The following PRKCQ variants were observed in gnomAD, a reference collection of about 807,000 sequenced individuals.
PRKCQ encodes protein kinase C theta, also known as protein kinase C theta type.
A neutral mutation model predicts 91.2 loss-of-function variants in PRKCQ; 41 were observed. The observed-to-expected ratio is 0.45, with a 90% CI of 0.35 to 0.58. The LOEUF (loss-of-function observed/expected upper bound fraction) is 0.58. Among genes scored for constraint, PRKCQ ranks in the 20% least tolerant of loss-of-function variants. The pLI is 0.00. For missense variants in PRKCQ, 673 were observed against 896.5 expected (o/e 0.75, Z 3.18); for synonymous variants, 307 against 316.9 (o/e 0.97, Z 0.33).
chr10:6,556,300 C>T (rs1840411774), intron 1 of PRKCQ, among the ~76,000 whole-genome samples: 1 of 151,912 alleles, frequency 6.6e-6, no homozygotes, highest in East Asian at 1.9e-4. Context: ...GGTGCAGTGG[C>T]ATACGCTTGT....
At chr10:6,449,509 G>A (rs1263765747) in intron 15 of PRKCQ, among the ~76,000 whole-genome samples, 1 of 152,118 alleles carries the variant, frequency 6.6e-6, no homozygotes, top group East Asian at 1.9e-4. Context: ...AAAACACTCT[G>A]CAGGATATTA....
rs1309287123 is a variant in PRKCQ, at chr10:6,447,265, G to A, written c.1648-5184C>T. Among the ~76,000 whole-genome samples, 4 of 151,978 alleles carry A rather than the reference G, an allele frequency of 2.6e-5. No individual in the cohort carries two copies. In the East Asian group the frequency reaches 7.7e-4, roughly 29 times the overall value. Reference sequence around the variant, plus strand: ...CTACTAAAAATACATAAATTAGCCGGGCATGGTGGCACGCGCCTGTAGTCC... The same window carrying A: ...CTACTAAAAATACATAAATTAGCCGAGCATGGTGGCACGCGCCTGTAGTCC... On this transcript the variant is annotated intron_variant, in intron 15 of 17. Transcript: ENST00000263125.
the PRKCQ span, among the ~76,000 whole-genome samples, chr10:6,406,065 A>G: frequency 6.6e-6 from 1 of 152,180 alleles, no homozygotes; most frequent in African/African-American, 2.4e-5. Flanking sequence ...AACACTTTTC[A>G]TATTTTACCA....
Position 6,434,915 on chromosome 10 carries a change from G to GT in PRKCQ, c.1837-3978dup, listed in dbSNP as rs1195650273. ...ATGGATAAATGAGGAAGTAAAGAGT[G>GT]TTTTTTTTCTTTTTTTTGAGATGGA... On this transcript the variant is annotated intron_variant, in intron 16 of 17. Coordinates refer to ENST00000263125, the MANE Select transcript of PRKCQ (RefSeq NM_006257.5). Among the ~76,000 whole-genome samples the GT allele has an allele frequency of 5.3e-5, 8 of 151,988 alleles. No individual in the cohort carries two copies. The East Asian group carries it at 5.8e-4, about 11-fold the overall frequency.
intron 9 of PRKCQ, 135 bp downstream of exon 9, chr10:6,485,900 G>T: frequency 1.5e-6 from 1 of 683,664 alleles, no homozygotes; most frequent in Non-Finnish European, 2.5e-6. Context: ...GGATATGAAA[G>T]CCAAGGGCAA....
chr10:6,537,528 G>A (rs780280081), intron 1 of PRKCQ, among the ~76,000 whole-genome samples: 3 of 152,182 alleles, frequency 2.0e-5, no homozygotes, highest in East Asian at 3.8e-4. Flanking sequence ...ACATTGCACT[G>A]CCCAGAACCT....
intron 1 of PRKCQ, among the ~76,000 whole-genome samples, chr10:6,569,346 G>A (rs1840948821): frequency 6.6e-6 from 1 of 151,810 alleles, no homozygotes; most frequent in Non-Finnish European, 1.5e-5. Context: ...GTAGCTCAGA[G>A]ATTGAGCAGA....
At position 6,430,800 on chromosome 10, in the gene PRKCQ, G is replaced by A. The variant is rs555906834; in HGVS notation, c.1965+10C>T. On this transcript the variant is annotated intron_variant, in intron 17 of 17. Transcript: ENST00000263125. This position sits in a 1 kb window ranked among gnomAD's most constrained non-coding sequence, Gnocchi z 4.7. ...GGCTGACACCAAGCGGCCCATGAGCGAGTCCTTACCACTTTCGGCCGGAAC... is the reference window on the plus strand; with the variant it reads ...GGCTGACACCAAGCGGCCCATGAGCAAGTCCTTACCACTTTCGGCCGGAAC... 14 of 1,613,208 alleles carry A rather than the reference G, an allele frequency of 8.7e-6. No homozygotes were observed. Among genetic ancestry groups the A allele is most frequent in the Middle Eastern group, 1.6e-4 (1 of 6,062 alleles).
intron 13 of PRKCQ, among the ~76,000 whole-genome samples, chr10:6,463,243 A>G (rs535333578): frequency 2.0e-5 from 3 of 152,302 alleles, no homozygotes; most frequent in South Asian, 4.1e-4. Flanking sequence ...GTTAAAGGAA[A>G]TGAGTTTACC....
chr10:6,500,266 G>GAAATA (rs1380239632), intron 4 of PRKCQ, among the ~76,000 whole-genome samples: 2 of 151,786 alleles, frequency 1.3e-5, no homozygotes, highest in African/African-American at 2.4e-5. Flanking sequence ...TGGTCCAGAT[G>GAAATA]AAATAAAATA....
chr10:6,442,124 C>T, intron 15 of PRKCQ, 43 bp from the exon 16 acceptor site: 1 of 1,577,740 alleles, frequency 6.3e-7, no homozygotes, highest in South Asian at 1.1e-5. Context: ...AGGAATGAGG[C>T]TGAGGAGTGA....
chr10:6,525,969 A>G (rs953406896), intron 1 of PRKCQ, among the ~76,000 whole-genome samples: 1 of 152,186 alleles, frequency 6.6e-6, no homozygotes, highest in African/African-American at 2.4e-5. Context: ...ATCACCCACA[A>G]TCTGCTGGTA....
intron 1 of PRKCQ, among the ~76,000 whole-genome samples, chr10:6,570,074 A>AG (rs1840982166): frequency 6.6e-6 from 1 of 152,034 alleles, no homozygotes; most frequent in African/African-American, 2.4e-5. Context: ...AAACATGGGC[A>AG]GGGGGGTCAT....
downstream of PRKCQ, among the ~76,000 whole-genome samples, chr10:6,425,873 C>T (rs1833107375): frequency 6.6e-6 from 1 of 152,074 alleles, no homozygotes; most frequent in African/African-American, 2.4e-5. Context: ...ATAAAAGTTG[C>T]GTTGGTTCCT....
chr10:6,435,154 C>G (rs1157911305), intron 16 of PRKCQ, among the ~76,000 whole-genome samples: 4 of 152,146 alleles, frequency 2.6e-5, no homozygotes, highest in Non-Finnish European at 5.9e-5. Context: ...CAGCAGTGTC[C>G]CCACTGGAAT....
intron 10 of PRKCQ, among the ~76,000 whole-genome samples, 157 bp downstream of exon 10, chr10:6,484,993 TTA>T (rs1234825286): frequency 6.6e-6 from 1 of 152,160 alleles, no homozygotes; most frequent in Non-Finnish European, 1.5e-5. Flanking sequence ...GTAAAAGGTT[TTA>T]GTTTCTTTTC....
At chr10:6,543,275 G>A (rs934520645) in intron 1 of PRKCQ, among the ~76,000 whole-genome samples, 3 of 152,216 alleles carry the variant, frequency 2.0e-5, no homozygotes, top group East Asian at 1.9e-4. Context: ...GGTGGAGTTC[G>A]CGGAGCTGAA....
chr10:6,453,441 G>C (rs964516895), intron 15 of PRKCQ, among the ~76,000 whole-genome samples: 1 of 152,178 alleles, frequency 6.6e-6, no homozygotes, highest in Admixed American at 6.5e-5. Flanking sequence ...AGAGGATGTG[G>C]AGAAATAGGA....
chr10:6,478,962 G>A lies in PRKCQ; in HGVS notation c.1353+30C>T. The A allele has an allele frequency of 2.5e-6, 4 of 1,611,686 alleles. No individual in the cohort carries two copies. In the East Asian group the frequency reaches 8.9e-5, roughly 36 times the overall value. On this transcript the variant is annotated intron_variant, in intron 12 of 17. Transcript: ENST00000263125. The stretch of plus-strand genomic sequence containing the variant: ...TATCATGCTGAGACAGGTTAGAGGG[G>A]AGGTAGGGTTGTCGGAGCAGAAGCC...
Sources: gnomAD v4.1 joint callset for allele counts (sites outside exome capture counted in the v4.1 genomes callset) on GRCh38, gnomAD v4.1.1 for gene constraint, Gnocchi (gnomAD v3.1) non-coding constraint, MANE v1.5 for transcripts, NCBI Gene and HGNC (gene_info 2026-07-23, HGNC 2026-07-21) for gene names.